The following NME9 variants were observed in gnomAD, a reference collection of about 807,000 sequenced individuals.
The protein encoded by NME9 is NME/NM23 family member 9.
A neutral mutation model predicts 44.4 loss-of-function variants in NME9; 48 were observed. That is an observed-to-expected ratio of 1.08 (90% CI 0.86 to 1.37). The LOEUF (loss-of-function observed/expected upper bound fraction) is 1.37, where lower values mean the gene tolerates loss of function less well. NME9 is among the 40% of genes most tolerant of loss of function. NME9 has a pLI of 0.00. For missense variants in NME9, 325 were observed against 405.2 expected (o/e 0.80, Z 1.70); for synonymous variants, 139 against 147.1 (o/e 0.94, Z 0.40).
chr3:138,261,466 CA>C (rs2047735420), exon 9 of NME9: 1 of 152,048 alleles, frequency 6.6e-6, no homozygotes, highest in Admixed American at 6.6e-5. Flanking sequence ...ACATCCATGT[CA>C]TATTTATTAG....
At chr3:138,312,290 C>T (rs764060098) in intron 6 of NME9, among the ~76,000 whole-genome samples, 2 of 152,116 alleles carry the variant, frequency 1.3e-5, no homozygotes, top group Non-Finnish European at 2.9e-5. Context: ...TATGGAACCA[C>T]AAAAGACCCC....
chr3:138,307,366 T>C (rs2052350127), intron 6 of NME9, among the ~76,000 whole-genome samples: 1 of 152,210 alleles, frequency 6.6e-6, no homozygotes. Flanking sequence ...CTGCTTATAT[T>C]ATATAAACTT....
intron 2 of NME9, chr3:138,324,180 G>T: frequency 3.5e-6 from 1 of 289,414 alleles, no homozygotes; most frequent in Non-Finnish European, 6.9e-6. Flanking sequence ...CCTACCCACA[G>T]CCTCATGAGT....
intron 8 of NME9, among the ~76,000 whole-genome samples, chr3:138,292,094 A>G (rs978675053): frequency 2.0e-5 from 3 of 151,676 alleles, no homozygotes; most frequent in Admixed American, 1.3e-4. Context: ...CTGGAGTGCA[A>G]TGGCGTGATC....
chr3:138,287,815 T>C (rs1017579143), intron 8 of NME9: 6 of 379,538 alleles, frequency 1.6e-5, no homozygotes, highest in African/African-American at 1.3e-4. Context: ...TATTTTGCCA[T>C]TGATACTCTC....
At chr3:138,300,926 G>T, downstream of NME9, 3 of 309,226 alleles carry the variant, frequency 9.7e-6, no homozygotes, top group Non-Finnish European at 1.4e-5. Context: ...GCATCAGTGT[G>T]CCTGGAAGTG....
At chr3:138,290,562 G>C in intron 8 of NME9, 1 of 1,605,180 alleles carries the variant, frequency 6.2e-7, no homozygotes, top group Non-Finnish European at 8.5e-7. Flanking sequence ...AAGAACGCCA[G>C]GATAAATTAC....
intron 3 of NME9, among the ~76,000 whole-genome samples, chr3:138,318,441 CCG>C (rs201084488): frequency 2.0e-5 from 3 of 147,552 alleles, no homozygotes; most frequent in African/African-American, 8.1e-5. Context: ...TATCTCCTAC[CCG>C]CCCCCCAGCT....
intron 8 of NME9, chr3:138,263,603 T>C (rs1390376076): frequency 1.5e-5 from 12 of 780,466 alleles, no homozygotes; most frequent in African/African-American, 5.1e-5. Context: ...CAGCGCAAGA[T>C]GATTGTTTGA....
At chr3:138,296,929 A>T (rs1184941852), downstream of NME9, 5 of 152,194 alleles carry the variant, frequency 3.3e-5, no homozygotes, top group Non-Finnish European at 1.5e-5. Context: ...CTCAAACTAA[A>T]AGTAGGTCAT....
At chr3:138,295,666 A>T (rs1019975033) in intron 8 of NME9, among the ~76,000 whole-genome samples, 1 of 152,256 alleles carries the variant, frequency 6.6e-6, no homozygotes, top group Non-Finnish European at 1.5e-5. Context: ...AGAAGAATAT[A>T]GCCAGAGTAG....
chr3:138,301,146 C>T lies in NME9; in HGVS notation c.*494G>A, dbSNP rs956124765. 13 of 956,738 alleles carry T rather than the reference C, an allele frequency of 1.4e-5. No homozygotes were observed. The highest frequency in any genetic ancestry group is 6.2e-5 in the Admixed American group (1 of 16,214). 59.3% of individuals were successfully genotyped at this position (956,738 alleles called of 1,614,324 possible). A position where few individuals can be genotyped will look rare whatever the true frequency, so the allele number is the denominator to read the frequency against. The stretch of plus-strand genomic sequence containing the variant: ...TCCCAAAGACAGAGAAAAAAAACTG[C>T]GTTCTACATACTGTTTAATAAGGCA... On this transcript the variant is annotated 3_prime_UTR_variant, in exon 11 of 11. Coordinates refer to ENST00000333911, the MANE Select transcript of NME9 (RefSeq NM_001349018.2).
intron 8 of NME9, among the ~76,000 whole-genome samples, chr3:138,271,196 C>T (rs2108298418): frequency 6.6e-6 from 1 of 152,266 alleles, no homozygotes; most frequent in South Asian, 2.1e-4. Context: ...ATATTTTTCT[C>T]CTGAACTTTG....
rs1406639925 is a variant in NME9 at position 138,303,563 on chromosome 3, A to G, written c.872T>C (p.Leu291Pro). Reference protein sequence around the residue: ...SRDREDADRELALLFPSLKFS... With the variant: ...SRDREDADREPALLFPSLKFS... ...TTTCAAACTGGGGAAGAGCAATGCC[A>G]GTTCTCTGTCAGCATCTTCTCTGTC... The change falls in exon 10 of 11, where the codon CTG (leucine) becomes CCG (proline). Residue 291 changes from leucine to proline, a missense_variant. Transcript: ENST00000333911. 2 of 1,613,452 alleles carry G rather than the reference A, an allele frequency of 1.2e-6. No individual in the cohort carries two copies. The highest frequency in any genetic ancestry group is 1.7e-6 in the Non-Finnish European group (2 of 1,179,438).
intron 2 of NME9, among the ~76,000 whole-genome samples, chr3:138,322,342 G>A (rs901085465): frequency 1.2e-4 from 15 of 122,494 alleles, no homozygotes; most frequent in South Asian, 6.0e-4. Context: ...AGGCACAAAG[G>A]CACCTTCACA....
Position 138,329,555 on chromosome 3 carries a change from G to C in NME9, c.-220C>G. 2.3e-6 allele frequency: 3 copies of C among 1,331,392 alleles called. No homozygotes were observed. The highest frequency in any genetic ancestry group is 5.7e-4 in the Middle Eastern group (2 of 3,508). The allele number at this position is 1,331,392 out of a possible 1,614,324, so 82.5% of individuals were successfully genotyped here. On this transcript the variant is annotated 5_prime_UTR_variant, in exon 1 of 11. Transcript: ENST00000333911. Reference sequence around the variant, plus strand: ...CGAGGAAGCGGAGCCTGCAGTCCACGGGCTCGTGGCTCGCCGGGCGGTTTT... The same window carrying C: ...CGAGGAAGCGGAGCCTGCAGTCCACCGGCTCGTGGCTCGCCGGGCGGTTTT...
chr3:138,324,618 C>T lies in NME9; in HGVS notation c.91+255G>A, dbSNP rs1312266561. The T allele has an allele frequency of 1.9e-5, 11 of 588,508 alleles. No individual in the cohort carries two copies. The Admixed American group carries it at 2.4e-4, about 13-fold the overall frequency. The allele number at this position is 588,508 out of a possible 1,614,324, so 36.5% of individuals were successfully genotyped here. On this transcript the variant is annotated intron_variant, in intron 2 of 10. Coordinates refer to ENST00000333911, the MANE Select transcript of NME9 (RefSeq NM_001349018.2). ...GCCTGAAGTAATTAGAAGAGGTTTTCTGTTACTTTTAACACCAAACAACCC... is the reference window on the plus strand; with the variant it reads ...GCCTGAAGTAATTAGAAGAGGTTTTTTGTTACTTTTAACACCAAACAACCC...
intron 8 of NME9, among the ~76,000 whole-genome samples, chr3:138,282,825 A>T (rs776619158): frequency 6.6e-6 from 1 of 152,264 alleles, no homozygotes; most frequent in Non-Finnish European, 1.5e-5. Flanking sequence ...TACACTTGGC[A>T]TGCTCATGTC....
intron 4 of NME9, among the ~76,000 whole-genome samples, chr3:138,316,339 C>A (rs1160332793): frequency 6.6e-6 from 1 of 152,142 alleles, no homozygotes; most frequent in African/African-American, 2.4e-5. Flanking sequence ...AGCACTAAGG[C>A]AGAGGCAAAG....
Sources: allele counts gnomAD v4.1 joint callset (sites outside exome capture counted in the v4.1 genomes callset), GRCh38; gene constraint gnomAD v4.1.1; transcripts MANE v1.5; gene names NCBI Gene and HGNC (gene_info 2026-07-23, HGNC 2026-07-21).